The following PRKG1 variants were observed in gnomAD, a reference collection of about 807,000 sequenced individuals.
The protein encoded by PRKG1 is protein kinase cGMP-dependent 1.
PRKG1 carries 35 observed loss-of-function variants against 88.1 expected under a neutral mutation model. The ratio of observed to expected loss-of-function variants is 0.40; its 90% CI spans 0.30 to 0.53. The LOEUF (loss-of-function observed/expected upper bound fraction) is 0.53. Ranked by LOEUF, PRKG1 falls within the 20% of genes least tolerant of loss-of-function variation. PRKG1 has a pLI of 0.59. For missense variants in PRKG1, 540 were observed against 839.8 expected, an observed-to-expected ratio of 0.64 and a Z score of 4.41; for synonymous variants, 303 against 292.5, an observed-to-expected ratio of 1.04 and a Z score of -0.37.
chr10:52,077,537 T>C (rs1846661160), intron 7 of PRKG1, among the ~76,000 whole-genome samples: 1 of 152,176 alleles, frequency 6.6e-6, no homozygotes, highest in Non-Finnish European at 1.5e-5. Flanking sequence ...TGACAGTAAT[T>C]AGAATGTCTG....
At chr10:52,019,621 T>C (rs886204835) in intron 5 of PRKG1, among the ~76,000 whole-genome samples, 9 of 152,210 alleles carry the variant, frequency 5.9e-5, no homozygotes, top group Admixed American at 3.9e-4. Flanking sequence ...GTCCATGAGA[T>C]ATTGATATGC....
chr10:51,747,382 A>G (rs1179840291), intron 3 of PRKG1, among the ~76,000 whole-genome samples: 2 of 152,174 alleles, frequency 1.3e-5, no homozygotes, highest in African/African-American at 4.8e-5. Context: ...CAGAGGCAGA[A>G]TTCAGCATGC....
At chr10:51,522,480 A>G (rs1841759731) in intron 3 of PRKG1, among the ~76,000 whole-genome samples, 1 of 152,218 alleles carries the variant, frequency 6.6e-6, no homozygotes, top group Non-Finnish European at 1.5e-5. Context: ...TGAGATAAGA[A>G]TAACTCAGTC....
chr10:51,804,892 G>A (rs1227986970), intron 4 of PRKG1, among the ~76,000 whole-genome samples: 1 of 151,928 alleles, frequency 6.6e-6, no homozygotes, highest in African/African-American at 2.4e-5. Flanking sequence ...CTTCAAACAA[G>A]CTTCTTTATA....
chr10:51,240,307 A>G (rs1408225228), intron 2 of PRKG1, among the ~76,000 whole-genome samples: 2 of 152,124 alleles, frequency 1.3e-5, no homozygotes, highest in African/African-American at 4.8e-5. Flanking sequence ...TCCTCTCAGC[A>G]TTTCTATGTT....
At chr10:52,131,844 A>AAAAAAAAAAAAAAAAAAAC (rs764532999) in intron 7 of PRKG1, among the ~76,000 whole-genome samples, 1 of 117,174 alleles carries the variant, frequency 8.5e-6, no homozygotes, top group African/African-American at 2.8e-5. Flanking sequence ...AAAAAAAAAA[A>AAAAAAAAAAAAAAAAAAAC]AAGAGGCCAG....
intron 14 of PRKG1, among the ~76,000 whole-genome samples, chr10:52,285,139 T>C (rs1463250663): frequency 6.6e-6 from 1 of 151,918 alleles, no homozygotes; most frequent in East Asian, 1.9e-4. Context: ...CCCCCTTCCA[T>C]GCATACACAC....
intron 3 of PRKG1, among the ~76,000 whole-genome samples, chr10:51,795,040 A>G (rs953762590): frequency 7.2e-5 from 11 of 152,132 alleles, no homozygotes; most frequent in Admixed American, 1.3e-4. Flanking sequence ...TATTATGAAC[A>G]TATTTGTACT....
At chr10:51,605,054 A>G (rs1262247621) in intron 3 of PRKG1, among the ~76,000 whole-genome samples, 1 of 152,114 alleles carries the variant, frequency 6.6e-6, no homozygotes, top group South Asian at 2.1e-4. Flanking sequence ...AGGGGATGGA[A>G]TGGGAAGGTG....
intron 2 of PRKG1, chr10:51,302,506 G>C (rs142046256): frequency 1.3e-5 from 2 of 150,938 alleles, no homozygotes; most frequent in African/African-American, 4.9e-5. Context: ...CTTCAATGTT[G>C]GTTCTTTCAG....
chr10:51,032,571 C>T (rs1199880513), intron 1 of PRKG1, among the ~76,000 whole-genome samples: 2 of 152,004 alleles, frequency 1.3e-5, no homozygotes, highest in African/African-American at 4.8e-5. Flanking sequence ...CCATCCTGGC[C>T]AACATGGCAA....
At chr10:51,691,527 G>C (rs1841144132) in intron 3 of PRKG1, among the ~76,000 whole-genome samples, 1 of 152,034 alleles carries the variant, frequency 6.6e-6, no homozygotes, top group African/African-American at 2.4e-5. Flanking sequence ...TGCTGCTCAG[G>C]CTGGTCTCAA....
chr10:51,498,549 C>T (rs1338581285), intron 3 of PRKG1, among the ~76,000 whole-genome samples: 1 of 152,118 alleles, frequency 6.6e-6, no homozygotes, highest in Non-Finnish European at 1.5e-5. Flanking sequence ...AGTCATTCCA[C>T]AATGTATAGA....
chr10:52,129,121 C>G (rs1837183394), intron 7 of PRKG1, among the ~76,000 whole-genome samples: 1 of 152,106 alleles, frequency 6.6e-6, no homozygotes, highest in Non-Finnish European at 1.5e-5. Flanking sequence ...AAAAATAATG[C>G]TTTTCTCCTC....
At chr10:52,080,061 G>A (rs34094323) in intron 7 of PRKG1, among the ~76,000 whole-genome samples, 5,668 of 152,158 alleles carry the variant, frequency 0.037, 144 homozygotes, top group Middle Eastern at 0.088. Flanking sequence ...CAAGTCCTAC[G>A]ACACAGCTCC....
rs574878184 is a variant in PRKG1 at position 51,397,013 on chromosome 10, G to A, written c.479-70710G>A. ...GGCAGGATCTGACTCTGCCTCATTC[G>A]CCTAGTTTCAATAAAGCTTATTTTA... On this transcript the variant is annotated intron_variant, in intron 2 of 17. Coordinates refer to ENST00000373980, the MANE Select transcript of PRKG1 (RefSeq NM_006258.4). Among the ~76,000 whole-genome samples the A allele has an allele frequency of 1.4e-4, 21 of 152,038 alleles. No individual in the cohort carries two copies. The East Asian group carries it at 2.3e-3, about 17-fold the overall frequency.
chr10:51,847,563 TATTA>T (rs1035843083), intron 4 of PRKG1, among the ~76,000 whole-genome samples: 11 of 151,806 alleles, frequency 7.2e-5, no homozygotes, highest in Non-Finnish European at 1.0e-4. Flanking sequence ...ATATAAAGCA[TATTA>T]ATTAATTAAT....
chr10:51,783,552 G>T (rs4547045), intron 3 of PRKG1, among the ~76,000 whole-genome samples: 8 of 152,060 alleles, frequency 5.3e-5, no homozygotes, highest in African/African-American at 1.9e-4. Flanking sequence ...AAACTGTTGG[G>T]ATTAAAAGTG....
intron 9 of PRKG1, among the ~76,000 whole-genome samples, chr10:52,224,645 G>A (rs1254739572): frequency 1.4e-5 from 2 of 144,762 alleles, no homozygotes; most frequent in Non-Finnish European, 3.0e-5. Flanking sequence ...TCATTCTTAT[G>A]CCTTTGTGTC....
Sources: allele counts gnomAD v4.1 joint callset (sites outside exome capture counted in the v4.1 genomes callset), GRCh38; gene constraint gnomAD v4.1.1; transcripts MANE v1.5; gene names NCBI Gene and HGNC (gene_info 2026-07-23, HGNC 2026-07-21).